The following CGNL1 variants were observed in gnomAD, a reference collection of about 807,000 sequenced individuals.
CGNL1 encodes the protein cingulin-like protein 1.
A neutral mutation model predicts 141.2 loss-of-function variants in CGNL1; 132 were observed. The ratio of observed to expected loss-of-function variants is 0.93; its 90% CI spans 0.81 to 1.08. The LOEUF is 1.08. Among genes scored for constraint, CGNL1 ranks in the 50% least tolerant of loss-of-function variants. The pLI is 0.00. For synonymous variants in CGNL1, 690 were observed against 622.1 expected (o/e 1.11, Z -1.63); for missense variants, 1,870 against 1,588.6 (o/e 1.18, Z -3.01).
intron 8 of CGNL1, among the ~76,000 whole-genome samples, chr15:57,512,393 G>C (rs989640873): frequency 6.6e-6 from 1 of 152,128 alleles, no homozygotes; most frequent in South Asian, 2.1e-4. Flanking sequence ...GTGGGGGTGT[G>C]GGGGCATGAA....
chr15:57,539,078 C>G (rs61513168), intron 14 of CGNL1, among the ~76,000 whole-genome samples: 2 of 152,148 alleles, frequency 1.3e-5, no homozygotes, highest in African/African-American at 4.8e-5. Context: ...TGTTTCCCCT[C>G]TGGGTCTCCT....
intron 8 of CGNL1, among the ~76,000 whole-genome samples, chr15:57,514,747 G>T (rs552467871): frequency 1.3e-5 from 2 of 152,150 alleles, no homozygotes; most frequent in East Asian, 3.9e-4. Context: ...CTACATTTGG[G>T]CCTATGATCC....
In CGNL1 at chr15:57,499,453, G is replaced by C. The variant is rs187611111; in HGVS notation, c.2404-17327G>C. Reference sequence around the variant, plus strand: ...GGGTTTCACCATATTGGCCAAGCTGGTCTGAAACTCCTGACCTCAAGTGAT... The same window carrying C: ...GGGTTTCACCATATTGGCCAAGCTGCTCTGAAACTCCTGACCTCAAGTGAT... On this transcript the variant is annotated intron_variant, in intron 8 of 18. Transcript: ENST00000281282. 2.8e-3 allele frequency among the ~76,000 whole-genome samples: 427 copies of C among 152,148 alleles called. 1 individual carries two copies. The highest frequency in any genetic ancestry group is 9.9e-3 in the African/African-American group (409 of 41,484).
At chr15:57,451,875 A>G (rs1197842931) in intron 5 of CGNL1, among the ~76,000 whole-genome samples, 1 of 152,212 alleles carries the variant, frequency 6.6e-6, no homozygotes, top group Non-Finnish European at 1.5e-5. Context: ...CTAAATGTAT[A>G]TAAAACATCT....
At chr15:57,542,781 C>T (rs1220424287) in intron 14 of CGNL1, among the ~76,000 whole-genome samples, 1 of 152,230 alleles carries the variant, frequency 6.6e-6, no homozygotes, top group Non-Finnish European at 1.5e-5. Context: ...GAGTGACTGA[C>T]TCATCCTGGT....
intron 4 of CGNL1, 49 bp downstream of exon 4, chr15:57,442,527 G>A (rs1389445504): frequency 1.7e-6 from 2 of 1,155,648 alleles, no homozygotes; most frequent in East Asian, 4.7e-5. Context: ...ATGGAATGTG[G>A]TAAACAACTT....
chr15:57,485,828 A>G (rs1241726810), intron 8 of CGNL1, among the ~76,000 whole-genome samples: 4 of 152,218 alleles, frequency 2.6e-5, no homozygotes, highest in South Asian at 2.1e-4. Context: ...AATGTCCTGT[A>G]TGCCATTCTT....
chr15:57,400,902 A>G (rs2062653585), intron 1 of CGNL1, among the ~76,000 whole-genome samples: 3 of 151,380 alleles, frequency 2.0e-5, no homozygotes, highest in East Asian at 1.9e-4. Flanking sequence ...AAAAAAAAAA[A>G]AAAAAAAAAG....
intron 1 of CGNL1, among the ~76,000 whole-genome samples, chr15:57,381,231 A>C (rs1192288392): frequency 6.6e-6 from 1 of 152,156 alleles, no homozygotes; most frequent in South Asian, 2.1e-4. Context: ...ATATGAGGAA[A>C]CTGAGGCCCA....
chr15:57,391,982 T>C (rs34017436), intron 1 of CGNL1, among the ~76,000 whole-genome samples: 69,795 of 146,594 alleles, frequency 0.48, 16,596 homozygotes, highest in East Asian at 0.62. Flanking sequence ...TTCCCCCCCC[T>C]CACCTGACAC....
chr15:57,546,216 C>A lies in CGNL1; in HGVS notation c.3750C>A (p.Leu1250=). ...MDMNEHLQGQ[L]NSMKKDLRLK... is the part of the protein sequence containing the mutation. ...TGAATGAGCATCTGCAGGGGCAGCT[C>A]AACTCCATGAAGAAGGACTTAAGGT... is the stretch of plus-strand genomic sequence containing the variant. The change falls in exon 18 of 19, where the codon CTC becomes CTA. Residue 1250 remains leucine (L), a synonymous_variant. Transcript: ENST00000281282. 1.3e-6 allele frequency: 2 copies of A among 1,592,482 alleles called. No individual in the cohort carries two copies. The highest frequency in any genetic ancestry group is 8.6e-7 in the Non-Finnish European group (1 of 1,169,368).
rs758625303 is a variant in CGNL1 at position 57,451,556 on chromosome 15, C to T, written c.1860C>T (p.Thr620=). Residue 620 remains threonine (T), a synonymous_variant, in exon 5 of 19, where the codon ACC becomes ACT. Coordinates refer to ENST00000281282, the MANE Select transcript of CGNL1 (RefSeq NM_032866.5). ...TATTGGAACAGAAAAGCAAGTTGAC[C>T]ATAGAAGTGGCTGAACTTCAGAGAC... is the stretch of plus-strand genomic sequence containing the variant. ...KDLLEQKSKL[T]IEVAELQRQL... The T allele has an allele frequency of 6.2e-7, 1 of 1,612,392 alleles. No individual in the cohort carries two copies. The highest frequency in any genetic ancestry group is 2.2e-5 in the East Asian group (1 of 44,796).
intron 14 of CGNL1, among the ~76,000 whole-genome samples, chr15:57,541,978 C>T (rs1266742945): frequency 1.3e-5 from 2 of 152,210 alleles, no homozygotes; most frequent in Admixed American, 6.5e-5. Context: ...GCCTGTCCCA[C>T]CAGCATCATT....
rs372678862 is a variant in CGNL1, at chr15:57,536,678, A to G, written c.3291+4899A>G. On this transcript the variant is annotated intron_variant, in intron 14 of 18. Transcript: ENST00000281282. ...TTTTCCTTTCCGTCCTCCAAAAACC[A>G]TGTTTCCATTTATGACAATTGCCAT... Among the ~76,000 whole-genome samples, 15 of 152,268 alleles carry G rather than the reference A, an allele frequency of 9.9e-5. No homozygotes were observed. The East Asian group carries it at 2.7e-3, about 27-fold the overall frequency.
At chr15:57,535,387 A>T (rs2032205236) in intron 14 of CGNL1, among the ~76,000 whole-genome samples, 1 of 152,242 alleles carries the variant, frequency 6.6e-6, no homozygotes, top group Admixed American at 6.5e-5. Flanking sequence ...CAAGTAAAAG[A>T]TTCAAGCAGC....
At chr15:57,465,650 C>T (rs1414956175) in intron 8 of CGNL1, among the ~76,000 whole-genome samples, 1 of 143,890 alleles carries the variant, frequency 6.9e-6, no homozygotes, top group African/African-American at 2.5e-5. Context: ...TTCAACCTCC[C>T]CAAAAAAAAA....
chr15:57,484,067 C>T (rs1294625056), intron 8 of CGNL1, among the ~76,000 whole-genome samples: 1 of 151,908 alleles, frequency 6.6e-6, no homozygotes, highest in Non-Finnish European at 1.5e-5. Flanking sequence ...TCATGTTTTC[C>T]TTTCTTTTAG....
intron 13 of CGNL1, among the ~76,000 whole-genome samples, chr15:57,530,318 C>CA (rs2031878505): frequency 2.0e-5 from 3 of 152,322 alleles, no homozygotes; most frequent in Admixed American, 1.3e-4. Flanking sequence ...TCATTTGCCC[C>CA]TTTGCAATAT....
At chr15:57,521,613 C>A (rs868491346) in intron 10 of CGNL1, among the ~76,000 whole-genome samples, 7 of 152,134 alleles carry the variant, frequency 4.6e-5, no homozygotes, top group Admixed American at 1.3e-4. Flanking sequence ...CAAATCTATT[C>A]TTCTAGGCAA....
Sources: gnomAD v4.1 joint callset for allele counts (sites outside exome capture counted in the v4.1 genomes callset) on GRCh38, gnomAD v4.1.1 for gene constraint, MANE v1.5 for transcripts, NCBI Gene and HGNC (gene_info 2026-07-23, HGNC 2026-07-21) for gene names.